The following DNAJC15 variants were observed in gnomAD, a reference collection of about 807,000 sequenced individuals.
DNAJC15 encodes DnaJ heat shock protein family (Hsp40) member C15.
In DNAJC15, 27 loss-of-function variants were observed where a neutral mutation model predicts 22.4. The ratio of observed to expected loss-of-function variants is 1.20; its 90% CI spans 0.89 to 1.66. The LOEUF (loss-of-function observed/expected upper bound fraction) is 1.66, where lower values mean the gene tolerates loss of function less well. Among genes scored for constraint, DNAJC15 ranks in the 40% most tolerant of loss-of-function variants. DNAJC15 has a pLI of 0.00. For missense variants in DNAJC15, 208 were observed against 187.1 expected (o/e 1.11, Z -0.65); for synonymous variants, 79 against 63.2 (o/e 1.25, Z -1.19).
intron 4 of DNAJC15, among the ~76,000 whole-genome samples, chr13:43,082,251 C>A (rs1445348249): frequency 6.6e-6 from 1 of 151,746 alleles, no homozygotes; most frequent in Non-Finnish European, 1.5e-5. Flanking sequence ...CTCCACATAC[C>A]CCCACTGCCA....
chr13:43,043,708 C>G (rs1182345101), intron 1 of DNAJC15, among the ~76,000 whole-genome samples: 2 of 152,182 alleles, frequency 1.3e-5, no homozygotes, highest in African/African-American at 4.8e-5. Flanking sequence ...TATTTATTCA[C>G]TAGTCTTGCT....
intron 1 of DNAJC15, among the ~76,000 whole-genome samples, chr13:43,045,153 T>G (rs2040470627): frequency 6.6e-6 from 1 of 152,212 alleles, no homozygotes; most frequent in African/African-American, 2.4e-5. Context: ...TTCTGGCTAT[T>G]CGTTAGGCAC....
chr13:43,054,677 C>G (rs376229171), intron 1 of DNAJC15, among the ~76,000 whole-genome samples: 1 of 152,082 alleles, frequency 6.6e-6, no homozygotes, highest in East Asian at 1.9e-4. Context: ...TCTAGGTTTT[C>G]TAGTTTCTCT....
chr13:43,027,696 G>C (rs574405985), intron 1 of DNAJC15, among the ~76,000 whole-genome samples: 16 of 148,870 alleles, frequency 1.1e-4, no homozygotes, highest in African/African-American at 3.7e-4. Context: ...TTGCTCTGTT[G>C]CCCAGGCTGG....
intron 3 of DNAJC15, among the ~76,000 whole-genome samples, chr13:43,076,748 CCTTT>C (rs773988982): frequency 1.3e-5 from 2 of 152,168 alleles, no homozygotes; most frequent in African/African-American, 2.4e-5. Context: ...TGTCTCCATT[CCTTT>C]CTTTCCATTC....
At chr13:43,042,336 T>C (rs1321159038) in intron 1 of DNAJC15, among the ~76,000 whole-genome samples, 1 of 152,204 alleles carries the variant, frequency 6.6e-6, no homozygotes, top group Non-Finnish European at 1.5e-5. Flanking sequence ...AATATATTAT[T>C]ATAACCATGG....
At chr13:43,067,714 T>A (rs2153440913) in intron 2 of DNAJC15, among the ~76,000 whole-genome samples, 1 of 152,284 alleles carries the variant, frequency 6.6e-6, no homozygotes, top group African/African-American at 2.4e-5. Context: ...GAACTAGGTC[T>A]TCTAGTTAGA....
chr13:43,074,950 G>A (rs1197249499), intron 3 of DNAJC15, among the ~76,000 whole-genome samples: 1 of 152,138 alleles, frequency 6.6e-6, no homozygotes, highest in Non-Finnish European at 1.5e-5. Flanking sequence ...CACCTATGCT[G>A]AGGCCAACTT....
chr13:43,045,668 G>A (rs184055311), intron 1 of DNAJC15, among the ~76,000 whole-genome samples: 162 of 152,298 alleles, frequency 1.1e-3, no homozygotes, highest in African/African-American at 3.7e-3. Context: ...AGGCTCGGGC[G>A]TGGTTTTGGG....
At chr13:43,081,820 G>A (rs1257114786) in intron 4 of DNAJC15, among the ~76,000 whole-genome samples, 1 of 152,014 alleles carries the variant, frequency 6.6e-6, no homozygotes, top group Non-Finnish European at 1.5e-5. Flanking sequence ...CTGCTATGAA[G>A]AAATACCCAA....
chr13:43,027,952 C>T (rs192478324), intron 1 of DNAJC15, among the ~76,000 whole-genome samples: 58 of 152,288 alleles, frequency 3.8e-4, no homozygotes, highest in African/African-American at 1.3e-3. Context: ...CCACCGCACC[C>T]GGCCTAACTG....
intron 5 of DNAJC15, among the ~76,000 whole-genome samples, chr13:43,092,653 A>T (rs2153441896): frequency 6.6e-6 from 1 of 152,142 alleles, no homozygotes; most frequent in East Asian, 1.9e-4. Context: ...ACATTTTTTT[A>T]AAAGACCATT....
rs148463852 is a variant in DNAJC15 at position 43,056,256 on chromosome 13, A to G, written c.109-9430A>G. Among the ~76,000 whole-genome samples, 389 of 152,066 alleles carry G rather than the reference A, an allele frequency of 2.6e-3. 1 individual carries two copies. Among genetic ancestry groups the G allele is most frequent in the Non-Finnish European group, 3.9e-3 (267 of 68,008 alleles). On this transcript the variant is annotated intron_variant, in intron 1 of 5. Coordinates refer to ENST00000379221, the MANE Select transcript of DNAJC15 (RefSeq NM_013238.3). ...AACCTCCACCTCCTGGGTTCAAGCA[A>G]GCCTCCCAAGTAGCTGGGACTACAG...
At chr13:43,032,007 C>G (rs2040406118) in intron 1 of DNAJC15, among the ~76,000 whole-genome samples, 1 of 152,246 alleles carries the variant, frequency 6.6e-6, no homozygotes, top group East Asian at 1.9e-4. Flanking sequence ...ACCACTAGCA[C>G]TCCTAGAGCT....
At chr13:43,061,158 A>G (rs751811947) in intron 1 of DNAJC15, among the ~76,000 whole-genome samples, 3 of 152,210 alleles carry the variant, frequency 2.0e-5, no homozygotes, top group African/African-American at 7.2e-5. Flanking sequence ...TTATGAAATG[A>G]CGACAGAATA....
At chr13:43,093,178 G>GT (rs2040723476) in intron 5 of DNAJC15, among the ~76,000 whole-genome samples, 1 of 151,434 alleles carries the variant, frequency 6.6e-6, no homozygotes, top group African/African-American at 2.4e-5. Context: ...GTAATTTTAC[G>GT]TATCTTTTCC....
intron 4 of DNAJC15, among the ~76,000 whole-genome samples, chr13:43,081,607 T>A (rs1049064143): frequency 6.6e-6 from 1 of 151,708 alleles, no homozygotes; most frequent in African/African-American, 2.4e-5. Context: ...CCTGGCTAAT[T>A]TTTTGTATTT....
At chr13:43,086,920 G>A (rs147425650) in intron 5 of DNAJC15, among the ~76,000 whole-genome samples, 5 of 152,310 alleles carry the variant, frequency 3.3e-5, no homozygotes, top group African/African-American at 1.2e-4. Context: ...GTGTGGGGTA[G>A]CTGGGTGTGA....
chr13:43,052,218 C>T (rs2040508393), intron 1 of DNAJC15, among the ~76,000 whole-genome samples: 1 of 151,998 alleles, frequency 6.6e-6, no homozygotes, highest in South Asian at 2.1e-4. Context: ...CTGTCTCAGC[C>T]TCCCAAAGTG....
Sources: gnomAD v4.1 joint callset for allele counts (sites outside exome capture counted in the v4.1 genomes callset) on GRCh38, gnomAD v4.1.1 for gene constraint, MANE v1.5 for transcripts, NCBI Gene and HGNC (gene_info 2026-07-23, HGNC 2026-07-21) for gene names.